Variants in RPS6KC1 observed in about 807,000 individuals in gnomAD.
RPS6KC1 encodes the protein ribosomal protein S6 kinase C1, also known as inactive ribosomal protein S6 kinase delta-1.
In RPS6KC1, 54 loss-of-function variants were observed where a neutral mutation model predicts 103.8. The observed-to-expected ratio is 0.52, with a 90% confidence interval of 0.42 to 0.65. RPS6KC1 has a LOEUF of 0.65. Ranked by LOEUF, RPS6KC1 falls within the 30% of genes least tolerant of loss-of-function variation. The probability of loss-of-function intolerance (pLI) is 0.00; values close to 1 mark genes in which losing one functional copy is unlikely to be tolerated. For synonymous variants in RPS6KC1, 439 were observed against 438.7 expected (o/e 1.00, Z -0.01); for missense variants, 1,151 against 1,253.8 (o/e 0.92, Z 1.24).
At chr1:213,738,768 G>A in the RPS6KC1 span, among the ~76,000 whole-genome samples, 1 of 151,648 alleles carries the variant, frequency 6.6e-6, no homozygotes, top group Non-Finnish European at 1.5e-5. Context: ...GCTGAGGTGG[G>A]TGGATCACTT....
chr1:213,320,044 A>T, the RPS6KC1 span, among the ~76,000 whole-genome samples: 1 of 152,218 alleles, frequency 6.6e-6, no homozygotes, highest in Admixed American at 6.5e-5. Context: ...CAGTCAGCCT[A>T]TGTGGTAGAA....
chr1:213,449,076 A>T, the RPS6KC1 span, among the ~76,000 whole-genome samples: 1 of 152,196 alleles, frequency 6.6e-6, no homozygotes, highest in Admixed American at 6.5e-5. Flanking sequence ...TCCTCACAGG[A>T]TCTTTGCTGT....
chr1:213,569,902 G>T, the RPS6KC1 span, among the ~76,000 whole-genome samples: 1 of 152,316 alleles, frequency 6.6e-6, no homozygotes, highest in Non-Finnish European at 1.5e-5. Context: ...GGAGATCAAA[G>T]ACTTCACCCA....
the RPS6KC1 span, among the ~76,000 whole-genome samples, chr1:213,525,532 GATAAT>G: frequency 6.6e-6 from 1 of 152,176 alleles, no homozygotes; most frequent in African/African-American, 2.4e-5. Flanking sequence ...AGGAAACTTA[GATAAT>G]CTTATCAGAG....
chr1:213,481,996 C>G, the RPS6KC1 span, among the ~76,000 whole-genome samples: 1 of 152,118 alleles, frequency 6.6e-6, no homozygotes, highest in Admixed American at 6.5e-5. Context: ...GCACCTCCTT[C>G]CCTCTCACTC....
the RPS6KC1 span, among the ~76,000 whole-genome samples, chr1:213,613,599 T>A: frequency 6.6e-6 from 1 of 152,220 alleles, no homozygotes; most frequent in South Asian, 2.1e-4. Flanking sequence ...AATGTATCTA[T>A]TATCCTCTCC....
intron 8 of RPS6KC1, among the ~76,000 whole-genome samples, chr1:213,226,710 G>A (rs867962525): frequency 1.3e-5 from 2 of 152,016 alleles, no homozygotes; most frequent in African/African-American, 2.4e-5. Context: ...CTTCCTAACT[G>A]CCCTAACCAG....
chr1:213,350,145 T>G, the RPS6KC1 span, among the ~76,000 whole-genome samples: 1 of 152,314 alleles, frequency 6.6e-6, no homozygotes, highest in African/African-American at 2.4e-5. Context: ...TCTGTTCCCT[T>G]GCAGAAGTGT....
chr1:213,424,001 A>G, the RPS6KC1 span, among the ~76,000 whole-genome samples: 2 of 152,246 alleles, frequency 1.3e-5, no homozygotes, highest in Non-Finnish European at 2.9e-5. Flanking sequence ...CAGGATTGTC[A>G]GGGATACATG....
the RPS6KC1 span, among the ~76,000 whole-genome samples, chr1:213,411,153 G>T: frequency 6.6e-6 from 1 of 152,160 alleles, no homozygotes; most frequent in East Asian, 1.9e-4. Flanking sequence ...TCATTCACTT[G>T]TTGTTTGACT....
chr1:213,156,474 C>A (rs2089900936), intron 6 of RPS6KC1, among the ~76,000 whole-genome samples: 1 of 152,038 alleles, frequency 6.6e-6, no homozygotes, highest in African/African-American at 2.4e-5. Flanking sequence ...AAACAATTTG[C>A]AAGTCCAAAA....
At chr1:213,657,877 G>A in the RPS6KC1 span, among the ~76,000 whole-genome samples, 5 of 152,156 alleles carry the variant, frequency 3.3e-5, no homozygotes, top group Non-Finnish European at 2.9e-5. Context: ...ATTTTAGGAG[G>A]TACATGGATG....
chr1:213,147,336 C>CT (rs1199772077), intron 6 of RPS6KC1, among the ~76,000 whole-genome samples: 2 of 152,092 alleles, frequency 1.3e-5, no homozygotes, highest in Non-Finnish European at 2.9e-5. Flanking sequence ...AGTTCTTAGA[C>CT]TTTAAGTCTT....
At chr1:213,427,417 T>G in the RPS6KC1 span, among the ~76,000 whole-genome samples, 1 of 152,322 alleles carries the variant, frequency 6.6e-6, no homozygotes, top group East Asian at 1.9e-4. Flanking sequence ...GATGATCTTT[T>G]CCTTTTTGCT....
At chr1:213,588,421 C>A in the RPS6KC1 span, among the ~76,000 whole-genome samples, 1 of 151,940 alleles carries the variant, frequency 6.6e-6, no homozygotes, top group African/African-American at 2.4e-5. Context: ...GCCTCAGCCT[C>A]CTGAGTGGCT....
chr1:213,135,287 T>C (rs2086147857), intron 6 of RPS6KC1, among the ~76,000 whole-genome samples: 2 of 152,122 alleles, frequency 1.3e-5, no homozygotes, highest in South Asian at 4.1e-4. Flanking sequence ...CAGAGATTTT[T>C]ATCTTAAGTT....
the RPS6KC1 span, among the ~76,000 whole-genome samples, chr1:213,516,581 T>C: frequency 2.6e-5 from 4 of 152,164 alleles, no homozygotes; most frequent in African/African-American, 9.7e-5. Flanking sequence ...GGATGAAGCC[T>C]ACTTGATCAT....
the RPS6KC1 span, among the ~76,000 whole-genome samples, chr1:213,486,820 G>A: frequency 2.7e-3 from 417 of 152,322 alleles, 1 homozygote; most frequent in Non-Finnish European, 4.3e-3. Flanking sequence ...CTTACAAAGC[G>A]TGAGAAACAT....
chr1:213,814,146 C>T, the RPS6KC1 span, among the ~76,000 whole-genome samples: 721 of 152,342 alleles, frequency 4.7e-3, 8 homozygotes, highest in African/African-American at 0.017. Context: ...GTTCCAATTC[C>T]AGTGTGTCCA....
Sources: allele counts gnomAD v4.1 joint callset (sites outside exome capture counted in the v4.1 genomes callset), GRCh38; gene constraint gnomAD v4.1.1; transcripts MANE v1.5; gene names NCBI Gene and HGNC (gene_info 2026-07-23, HGNC 2026-07-21).